ADAMTS14: variants seen among roughly 807,000 people sequenced by gnomAD.
ADAMTS14 encodes the protein ADAM metallopeptidase with thrombospondin type 1 motif 14, also known as A disintegrin and metalloproteinase with thrombospondin motifs 14.
ADAMTS14 carries 100 observed loss-of-function variants against 128.6 expected under a neutral mutation model. The observed-to-expected ratio is 0.78, with a 90% CI of 0.66 to 0.92. The LOEUF is 0.92. Among genes scored for constraint, ADAMTS14 ranks in the 40% least tolerant of loss-of-function variants. The pLI is 0.00. For synonymous variants in ADAMTS14, 665 were observed against 653.8 expected (o/e 1.02, Z -0.26); for missense variants, 1,562 against 1,658.6 (o/e 0.94, Z 1.01).
intron 17 of ADAMTS14, 29 bp downstream of exon 17, chr10:70,751,675 T>C: frequency 6.3e-7 from 1 of 1,595,882 alleles, no homozygotes; most frequent in Non-Finnish European, 8.6e-7. Flanking sequence ...GCCAGTGCTT[T>C]GTTGGGGCAG....
chr10:70,672,909 G>C (rs1231646947), intron 1 of ADAMTS14, 25 bp downstream of exon 1: 3 of 1,440,164 alleles, frequency 2.1e-6, no homozygotes, highest in Non-Finnish European at 1.8e-6. Context: ...GGCGCGCGGG[G>C]GCCCGTGGGG....
chr10:70,729,055 G>A (rs1317854615), intron 4 of ADAMTS14, among the ~76,000 whole-genome samples: 2 of 152,178 alleles, frequency 1.3e-5, no homozygotes, highest in South Asian at 2.1e-4. Flanking sequence ...AAGAGCTCAT[G>A]GTTGGGATTA....
chr10:70,702,518 G>A (rs1840529646), intron 3 of ADAMTS14, 50 bp downstream of exon 3: 1 of 1,547,700 alleles, frequency 6.5e-7, no homozygotes, highest in Non-Finnish European at 8.7e-7. Flanking sequence ...TACCTCTGGA[G>A]TGTTTCCCGG....
At chr10:70,750,460 T>C (rs1214639703) in intron 16 of ADAMTS14, among the ~76,000 whole-genome samples, 3 of 152,118 alleles carry the variant, frequency 2.0e-5, no homozygotes, top group African/African-American at 4.8e-5. Context: ...TCCTAGAGCA[T>C]GGGCCAGGGC....
At chr10:70,680,237 A>C (rs1450044683) in intron 2 of ADAMTS14, among the ~76,000 whole-genome samples, 17 of 152,176 alleles carry the variant, frequency 1.1e-4, no homozygotes, top group Non-Finnish European at 1.5e-5. Context: ...CCCCGCCTCC[A>C]CTAAAAATAC....
At chr10:70,738,346 GGATTCAAACCCAGGA>G (rs2132696853) in intron 10 of ADAMTS14, among the ~76,000 whole-genome samples, 1 of 152,220 alleles carries the variant, frequency 6.6e-6, no homozygotes, top group South Asian at 2.1e-4. Context: ...TGCTGAGCTG[GGATTCAAACCCAGGA>G]ATCCTTCATG....
intron 6 of ADAMTS14, among the ~76,000 whole-genome samples, chr10:70,731,980 T>C (rs1274705902): frequency 6.6e-6 from 1 of 152,160 alleles, no homozygotes; most frequent in Non-Finnish European, 1.5e-5. Context: ...GGAAGTAGTG[T>C]GTTTGCAGGC....
rs780768629 is a variant in ADAMTS14, at chr10:70,753,929, C to T, written c.2859C>T (p.Ala953=). 5.1e-5 allele frequency: 81 copies of T among 1,588,090 alleles called. No homozygotes were observed. The highest frequency in any genetic ancestry group is 5.0e-4 in the Middle Eastern group (3 of 6,046). The part of the protein sequence containing the change: ...THKVMPAKAC[A]GDRPEARRPC... ...AGGTCATGCCGGCCAAAGCCTGCGC[C>T]GGGGACCGGCCTGAGGCCCGACGGC... is the stretch of plus-strand genomic sequence containing the variant. The change falls in exon 19 of 22, where the codon GCC becomes GCT. Residue 953 remains alanine, a synonymous_variant. Transcript: ENST00000373207.
chr10:70,705,520 T>C (rs1050039304), intron 3 of ADAMTS14, among the ~76,000 whole-genome samples: 7 of 152,270 alleles, frequency 4.6e-5, no homozygotes, highest in Non-Finnish European at 7.3e-5. Flanking sequence ...TTTAAAACTA[T>C]ATTCACAATG....
Position 70,760,559 on chromosome 10 carries a change from C to T in ADAMTS14, c.3378C>T (p.Asp1126=). 1 of 1,613,522 alleles carries T rather than the reference C, an allele frequency of 6.2e-7. No individual in the cohort carries two copies. Among genetic ancestry groups the T allele is most frequent in the Non-Finnish European group, 8.5e-7 (1 of 1,179,730 alleles). ...TPGSPLPGPQ[D]PADAAEPPGK... is the part of the protein sequence containing the mutation. The stretch of plus-strand genomic sequence containing the variant: ...GAAGCCCCTTACCAGGACCCCAGGA[C>T]CCTGCAGATGCTGCAGAGCCTCCTG... The change falls in exon 22 of 22, where the codon GAC becomes GAT. Residue 1126 remains aspartate (D), a synonymous_variant. Coordinates refer to ENST00000373207, the MANE Select transcript of ADAMTS14 (RefSeq NM_080722.4).
chr10:70,684,420 T>C (rs1304110574), intron 2 of ADAMTS14, among the ~76,000 whole-genome samples: 2 of 152,072 alleles, frequency 1.3e-5, no homozygotes, highest in Non-Finnish European at 2.9e-5. Context: ...TTTCCAAGAG[T>C]GGGGAAATGG....
At chr10:70,691,871 A>G (rs1227824591) in intron 2 of ADAMTS14, among the ~76,000 whole-genome samples, 1 of 152,086 alleles carries the variant, frequency 6.6e-6, no homozygotes, top group African/African-American at 2.4e-5. Context: ...TTCCTCTCTT[A>G]CTTGCCCATT....
At position 70,732,273 on chromosome 10, in the gene ADAMTS14, C is replaced by T; in HGVS notation, c.1122C>T (p.Gly374=). The T allele has an allele frequency of 6.2e-7, 1 of 1,614,198 alleles. No individual in the cohort carries two copies. The part of the protein sequence containing the change: ...FGPSGYAPVT[G]MCHPLRSCAL... ...CGGCAGGGTATGCACCCGTCACTGG[C>T]ATGTGTCACCCCCTGAGGAGCTGTG... The change falls in exon 7 of 22, where the codon GGC becomes GGT. Residue 374 remains glycine (G), a synonymous_variant. Coordinates refer to ENST00000373207, the MANE Select transcript of ADAMTS14 (RefSeq NM_080722.4).
intron 4 of ADAMTS14, among the ~76,000 whole-genome samples, chr10:70,713,191 C>T (rs78207809): frequency 0.1 from 15,598 of 152,246 alleles, 1,018 homozygotes; most frequent in Middle Eastern, 0.18. Flanking sequence ...ACTGAGGTGT[C>T]GGCAGGTTCT....
At chr10:70,714,433 C>T (rs555112616) in intron 4 of ADAMTS14, among the ~76,000 whole-genome samples, 2 of 152,354 alleles carry the variant, frequency 1.3e-5, no homozygotes, top group Non-Finnish European at 2.9e-5. Flanking sequence ...TGTGTCCACT[C>T]CAGAGCTCAC....
rs1589342342 is a variant in ADAMTS14 at position 70,753,653 on chromosome 10, C to T, written c.2730-147C>T. On this transcript the variant is annotated intron_variant, in intron 18 of 21. Coordinates refer to ENST00000373207, the MANE Select transcript of ADAMTS14 (RefSeq NM_080722.4). Reference sequence around the variant, plus strand: ...GTCACATACCCAGTAGCTGCAGAGCCAGGTGGACAGTTGTCCTAGGCCTCA... The same window carrying T: ...GTCACATACCCAGTAGCTGCAGAGCTAGGTGGACAGTTGTCCTAGGCCTCA... 6.3e-6 allele frequency: 5 copies of T among 794,092 alleles called. No homozygotes were observed. In the East Asian group the frequency reaches 1.4e-4, roughly 22 times the overall value. 49.2% of individuals were successfully genotyped at this position (794,092 alleles called of 1,614,324 possible).
chr10:70,760,921 G>A lies in ADAMTS14; in HGVS notation c.*68G>A. 1 of 1,494,636 alleles carries A rather than the reference G, an allele frequency of 6.7e-7. No individual in the cohort carries two copies. Among genetic ancestry groups the A allele is most frequent in the South Asian group, 1.4e-5 (1 of 72,910 alleles). 92.6% of individuals were successfully genotyped at this position (1,494,636 alleles called of 1,614,324 possible). On this transcript the variant is annotated 3_prime_UTR_variant, in exon 22 of 22. Coordinates refer to ENST00000373207, the MANE Select transcript of ADAMTS14 (RefSeq NM_080722.4). ...CTGCCCCGTGACTCCCAGCTCAGAG[G>A]ACACACATAGCAGGGCAGGCGCAAG... is the stretch of plus-strand genomic sequence containing the variant.
At position 70,744,888 on chromosome 10, in the gene ADAMTS14, G is replaced by A. The variant is rs575321630; in HGVS notation, c.2183-338G>A. On this transcript the variant is annotated intron_variant, in intron 14 of 21. Transcript: ENST00000373207. ...CCATCAGTAGCAAGTAGCTTAAGGT[G>A]TGAGAAGAAGCAGGGAGAGAGAGTC... Among the ~76,000 whole-genome samples the A allele has an allele frequency of 2.8e-3, 423 of 152,188 alleles. 2 individuals are homozygous for A. Among genetic ancestry groups the A allele is most frequent in the Non-Finnish European group, 4.3e-3 (290 of 68,004 alleles).
At chr10:70,745,130 G>A in intron 14 of ADAMTS14, 96 bp from the exon 15 acceptor site, 1 of 1,113,084 alleles carries the variant, frequency 9.0e-7, no homozygotes, top group East Asian at 2.4e-5. Context: ...GATCAAATGA[G>A]ATGTTCCTGG....
Sources: allele counts gnomAD v4.1 joint callset (sites outside exome capture counted in the v4.1 genomes callset), GRCh38; gene constraint gnomAD v4.1.1; transcripts MANE v1.5; gene names NCBI Gene and HGNC (gene_info 2026-07-23, HGNC 2026-07-21).